Variants in ZNF664 observed in about 807,000 individuals in gnomAD.
ZNF664 encodes zinc finger protein 664, also known as zinc finger Organ of Corti 1.
ZNF664 carries 10 observed loss-of-function variants against 18.2 expected under a neutral mutation model. The ratio of observed to expected loss-of-function variants is 0.55; its 90% CI spans 0.34 to 0.93. The LOEUF is 0.93. Among genes scored for constraint, ZNF664 ranks in the 40% least tolerant of loss-of-function variants. The probability of loss-of-function intolerance (pLI) is 0.02; values close to 1 mark genes in which losing one functional copy is unlikely to be tolerated. For synonymous variants in ZNF664, 119 were observed against 104.2 expected (o/e 1.14, Z -0.86); for missense variants, 193 against 319.0 (o/e 0.61, Z 3.01).
chr12:123,992,015 G>A (rs919925494), intron 3 of ZNF664, among the ~76,000 whole-genome samples: 3 of 152,176 alleles, frequency 2.0e-5, no homozygotes, highest in African/African-American at 2.4e-5. Context: ...ATGCAAAGAC[G>A]AATTTCCGCA....
At chr12:124,004,363 G>A (rs190391708) in intron 3 of ZNF664, among the ~76,000 whole-genome samples, 1 of 152,198 alleles carries the variant, frequency 6.6e-6, no homozygotes, top group Non-Finnish European at 1.5e-5. Flanking sequence ...CAAAGAAAAG[G>A]TTCCATAGGA....
chr12:124,011,591 G>T lies in ZNF664; in HGVS notation c.-554G>T. On this transcript the variant is annotated 5_prime_UTR_variant, in exon 5 of 5. Coordinates refer to ENST00000337815, the MANE Select transcript of ZNF664 (RefSeq NM_152437.3). ...TAGGGAATTCCCCAAAGCAGGGCTT[G>T]CCATACCTGGACCCCGAGGAGCCTG... The T allele has an allele frequency of 2.0e-6, 2 of 989,810 alleles. No homozygotes were observed. The highest frequency in any genetic ancestry group is 2.3e-4 in the East Asian group (2 of 8,820). 61.3% of individuals were successfully genotyped at this position (989,810 alleles called of 1,614,324 possible).
chr12:123,997,462 A>G (rs1288117491), intron 3 of ZNF664, among the ~76,000 whole-genome samples: 1 of 152,128 alleles, frequency 6.6e-6, no homozygotes, highest in African/African-American at 2.4e-5. Context: ...TTTACAGGAG[A>G]ATCCTTTGCC....
chr12:123,977,462 C>CA (rs58043898), intron 2 of ZNF664, among the ~76,000 whole-genome samples: 10,197 of 93,960 alleles, frequency 0.11, 656 homozygotes, highest in Non-Finnish European at 0.15. Context: ...CTAAAATGGC[C>CA]AAAAAAAAAA....
At chr12:123,977,719 A>G (rs1322991294) in intron 2 of ZNF664, among the ~76,000 whole-genome samples, 2 of 152,182 alleles carry the variant, frequency 1.3e-5, no homozygotes, top group Non-Finnish European at 2.9e-5. Context: ...AGGTGAGACA[A>G]ATATATTTAA....
chr12:123,990,848 A>C (rs531122067), intron 3 of ZNF664, among the ~76,000 whole-genome samples: 1 of 152,030 alleles, frequency 6.6e-6, no homozygotes, highest in African/African-American at 2.4e-5. Context: ...CTGTGCGTTG[A>C]CTCTCTCTAG....
chr12:123,996,993 CTGT>C (rs1223378433), intron 3 of ZNF664, among the ~76,000 whole-genome samples: 1 of 152,124 alleles, frequency 6.6e-6, no homozygotes, highest in East Asian at 1.9e-4. Flanking sequence ...ACTGTAGATA[CTGT>C]TTGTGGTTTT....
intron 3 of ZNF664, among the ~76,000 whole-genome samples, chr12:124,007,642 G>C (rs1457618212): frequency 6.6e-6 from 1 of 152,030 alleles, no homozygotes; most frequent in African/African-American, 2.4e-5. Context: ...GGTGGTCCTG[G>C]GATTAGTTTG....
At chr12:123,984,633 T>A (rs1473182488) in intron 2 of ZNF664, among the ~76,000 whole-genome samples, 1 of 149,542 alleles carries the variant, frequency 6.7e-6, no homozygotes, top group Non-Finnish European at 1.5e-5. Flanking sequence ...GAGGAGAGAG[T>A]TGGTTTCAAA....
At chr12:123,998,513 A>G (rs1956975783) in intron 3 of ZNF664, 2 of 152,476 alleles carry the variant, frequency 1.3e-5, no homozygotes, top group African/African-American at 4.8e-5. Context: ...TTGGCATCTG[A>G]TGACCTCTGT....
chr12:123,979,944 A>G (rs1956742759), intron 2 of ZNF664, among the ~76,000 whole-genome samples: 1 of 152,214 alleles, frequency 6.6e-6, no homozygotes, highest in East Asian at 1.9e-4. Context: ...TTGGCCTCCC[A>G]AAGTGTTGGG....
chr12:124,000,372 G>T (rs1956997370), intron 3 of ZNF664, among the ~76,000 whole-genome samples: 1 of 152,162 alleles, frequency 6.6e-6, no homozygotes. Context: ...ACCTTCGCCT[G>T]TTCATAGAGG....
Position 124,011,743 on chromosome 12 carries a change from T to C in ZNF664, c.-402T>C. The C allele has an allele frequency of 9.4e-7, 1 of 1,066,806 alleles. No individual in the cohort carries two copies. Among genetic ancestry groups the C allele is most frequent in the Non-Finnish European group, 1.1e-6 (1 of 885,210 alleles). The allele number at this position is 1,066,806 out of a possible 1,614,324, so 66.1% of individuals were successfully genotyped here. ...ATCCTTCGATACAGGGGATATACTG[T>C]ACAGTCCTTTTTCTAGAAGTGAGAC... On this transcript the variant is annotated 5_prime_UTR_variant, in exon 5 of 5. Coordinates refer to ENST00000337815, the MANE Select transcript of ZNF664 (RefSeq NM_152437.3).
intron 3 of ZNF664, among the ~76,000 whole-genome samples, chr12:124,000,248 T>C (rs1956996054): frequency 6.6e-6 from 1 of 152,128 alleles, no homozygotes; most frequent in Non-Finnish European, 1.5e-5. Context: ...ACCTCTGTTC[T>C]CCTCAAACCT....
rs959852140 is a variant in ZNF664 at position 124,013,238 on chromosome 12, G to A, written c.*308G>A. On this transcript the variant is annotated 3_prime_UTR_variant, in exon 5 of 5. Transcript: ENST00000337815. ...ACACAAAAAGCCACAATCATTGCCC[G>A]GCCTCCTGAGTCACCTTCTATCTAT... The A allele has an allele frequency of 1.0e-5, 4 of 381,690 alleles. No individual in the cohort carries two copies. The highest frequency in any genetic ancestry group is 6.3e-5 in the East Asian group (1 of 15,812). The allele number at this position is 381,690 out of a possible 1,614,324, so 23.6% of individuals were successfully genotyped here.
At chr12:123,973,806 C>T (rs1200509828) in intron 1 of ZNF664, 80 bp from the exon 2 acceptor site, 6 of 1,229,496 alleles carry the variant, frequency 4.9e-6, no homozygotes, top group African/African-American at 3.1e-5. Flanking sequence ...CCGGGAGAGG[C>T]GGTCATGGCC....
chr12:123,987,475 C>T (rs1314800732), intron 2 of ZNF664, among the ~76,000 whole-genome samples: 2 of 152,192 alleles, frequency 1.3e-5, no homozygotes, highest in Admixed American at 6.5e-5. Flanking sequence ...AAGTACTTCT[C>T]ATGGATTAAT....
chr12:123,994,806 C>T (rs1353398426), intron 3 of ZNF664, among the ~76,000 whole-genome samples: 1 of 152,170 alleles, frequency 6.6e-6, no homozygotes, highest in African/African-American at 2.4e-5. Flanking sequence ...CTGAATAGAT[C>T]TTTTACAAAC....
At chr12:123,975,700 G>T (rs1215447390) in intron 2 of ZNF664, among the ~76,000 whole-genome samples, 1 of 152,232 alleles carries the variant, frequency 6.6e-6, no homozygotes, top group African/African-American at 2.4e-5. Flanking sequence ...ACAGGTGTGA[G>T]CCACTGTGCC....
Sources: gnomAD v4.1 joint callset for allele counts (sites outside exome capture counted in the v4.1 genomes callset) on GRCh38, gnomAD v4.1.1 for gene constraint, MANE v1.5 for transcripts, NCBI Gene and HGNC (gene_info 2026-07-23, HGNC 2026-07-21) for gene names.